Variants in PFN4 observed in about 807,000 individuals in gnomAD.
The protein encoded by PFN4 is profilin family member 4.
Under a neutral mutation model 16.3 loss-of-function variants are expected in PFN4, and 10 were observed. The ratio of observed to expected loss-of-function variants is 0.61; its 90% CI spans 0.38 to 1.04. The LOEUF (loss-of-function observed/expected upper bound fraction) is 1.04, where lower values mean the gene tolerates loss of function less well. PFN4 is among the 50% of genes least tolerant of loss of function. The probability of loss-of-function intolerance (pLI) is 0.01; values close to 1 mark genes in which losing one functional copy is unlikely to be tolerated. For missense variants in PFN4, 136 were observed against 153.6 expected (o/e 0.89, Z 0.61); for synonymous variants, 54 against 56.9 (o/e 0.95, Z 0.23).
At chr2:24,118,750 C>T (rs949432015) in intron 4 of PFN4, among the ~76,000 whole-genome samples, 1 of 152,112 alleles carries the variant, frequency 6.6e-6, no homozygotes, top group Non-Finnish European at 1.5e-5. Flanking sequence ...AAGGCAGAAG[C>T]TATATCTTAA....
At chr2:24,118,448 C>A (rs745675605) in intron 4 of PFN4, among the ~76,000 whole-genome samples, 5 of 152,198 alleles carry the variant, frequency 3.3e-5, no homozygotes, top group Non-Finnish European at 7.3e-5. Context: ...TTGATTTATT[C>A]ATCAAACATG....
At position 24,115,359 on chromosome 2, in the gene PFN4, T is replaced by A; in HGVS notation, c.*224A>T. The A allele has an allele frequency of 1.8e-6, 1 of 543,214 alleles. No individual in the cohort carries two copies. Among genetic ancestry groups the A allele is most frequent in the Non-Finnish European group, 3.3e-6 (1 of 302,878 alleles). The allele number at this position is 543,214 out of a possible 1,614,324, so 33.6% of individuals were successfully genotyped here. On this transcript the variant is annotated 3_prime_UTR_variant, in exon 5 of 5. Transcript: ENST00000313213. Reference sequence around the variant, plus strand: ...ATATGCTCTGTGAAATGATCAGTGCTCTCTCATTCCATGCCGATGACCAAC... The same window carrying A: ...ATATGCTCTGTGAAATGATCAGTGCACTCTCATTCCATGCCGATGACCAAC...
At chr2:24,120,235 C>T (rs1666061885) in intron 3 of PFN4, among the ~76,000 whole-genome samples, 1 of 151,774 alleles carries the variant, frequency 6.6e-6, no homozygotes, top group Non-Finnish European at 1.5e-5. Flanking sequence ...TGCCATTGCA[C>T]TCCAGCCTGG....
chr2:24,119,722 T>A, intron 3 of PFN4, 40 bp from the exon 4 acceptor site: 1 of 1,489,454 alleles, frequency 6.7e-7, no homozygotes, highest in Non-Finnish European at 9.3e-7. Flanking sequence ...CTCTTGGTTC[T>A]AATCACAGGA....
intron 4 of PFN4, among the ~76,000 whole-genome samples, chr2:24,116,398 C>G (rs1213983755): frequency 6.6e-6 from 1 of 152,136 alleles, no homozygotes; most frequent in African/African-American, 2.4e-5. Flanking sequence ...CACTATGTTG[C>G]CCACACTGGG....
chr2:24,115,294 T>G lies in PFN4; in HGVS notation c.*289A>C. 1 of 387,480 alleles carries G rather than the reference T, an allele frequency of 2.6e-6. No individual in the cohort carries two copies. The highest frequency in any genetic ancestry group is 3.8e-5 in the Admixed American group (1 of 26,390). The allele number at this position is 387,480 out of a possible 1,614,324, so 24.0% of individuals were successfully genotyped here. On this transcript the variant is annotated 3_prime_UTR_variant, in exon 5 of 5. Coordinates refer to ENST00000313213, the MANE Select transcript of PFN4 (RefSeq NM_199346.3). ...TTCTTGGCATACTTAGCAAGGTGTG[T>G]AGGAGTACAAGAGCCTCACAGAAAG...
chr2:24,119,683 C>T lies in PFN4; in HGVS notation c.256-1G>A. 6.2e-7 allele frequency: 1 copy of T among 1,604,218 alleles called. No individual in the cohort carries two copies. Among genetic ancestry groups the T allele is most frequent in the African/African-American group, 1.3e-5 (1 of 74,862 alleles). On this transcript the variant is annotated splice_acceptor_variant, in intron 3 of 4. Coordinates refer to ENST00000313213, the MANE Select transcript of PFN4 (RefSeq NM_199346.3). LOFTEE classifies it high-confidence loss of function. Reference sequence around the variant, plus strand: ...TCACGACAACCACACCAGTGTTCTCCTGTATAAAGAATATAAGAGAATATT... The same window carrying T: ...TCACGACAACCACACCAGTGTTCTCTTGTATAAAGAATATAAGAGAATATT...
chr2:24,121,050 C>T (rs1666099139), intron 3 of PFN4, 113 bp downstream of exon 3: 1 of 1,398,700 alleles, frequency 7.1e-7, no homozygotes, highest in Non-Finnish European at 9.7e-7. Flanking sequence ...AAGACAATGG[C>T]TCAAGACATT....
At chr2:24,122,354 C>T in intron 2 of PFN4, 65 bp downstream of exon 2, 1 of 1,191,712 alleles carries the variant, frequency 8.4e-7, no homozygotes, top group Admixed American at 2.1e-5. Flanking sequence ...ATGTCTGCTT[C>T]ATTTTTTGGA....
intron 3 of PFN4, among the ~76,000 whole-genome samples, chr2:24,120,558 T>TAA (rs72197172): frequency 9.2e-5 from 14 of 152,230 alleles, no homozygotes; most frequent in African/African-American, 3.4e-4. Flanking sequence ...TGATTTTTTT[T>TAA]AAAATTTTTT....
At position 24,115,419 on chromosome 2, in the gene PFN4, T is replaced by A; in HGVS notation, c.*164A>T. On this transcript the variant is annotated 3_prime_UTR_variant, in exon 5 of 5. Coordinates refer to ENST00000313213, the MANE Select transcript of PFN4 (RefSeq NM_199346.3). Reference sequence around the variant, plus strand: ...AAAACAGTTGATCAAGTAATTCCAGTGAAAGAAGAGGATCTCTGGAAGTAA... The same window carrying A: ...AAAACAGTTGATCAAGTAATTCCAGAGAAAGAAGAGGATCTCTGGAAGTAA... 1 of 619,012 alleles carries A rather than the reference T, an allele frequency of 1.6e-6. No individual in the cohort carries two copies. Among genetic ancestry groups the A allele is most frequent in the East Asian group, 2.8e-5 (1 of 36,104 alleles). The allele number at this position is 619,012 out of a possible 1,614,324, so 38.3% of individuals were successfully genotyped here.
chr2:24,117,828 G>A (rs976161694), intron 4 of PFN4, among the ~76,000 whole-genome samples: 1 of 152,168 alleles, frequency 6.6e-6, no homozygotes, highest in Admixed American at 6.5e-5. Context: ...AAGGAGTAAA[G>A]GAAACAAAAG....
chr2:24,120,277 AAACAAC>A (rs1553329186), intron 3 of PFN4, among the ~76,000 whole-genome samples: 2 of 151,382 alleles, frequency 1.3e-5, no homozygotes, highest in African/African-American at 4.9e-5. Flanking sequence ...TCAAAAAAAA[AAACAAC>A]AACAAAACAA....
chr2:24,122,259 G>A (rs1666141400), intron 2 of PFN4, among the ~76,000 whole-genome samples, 160 bp downstream of exon 2: 1 of 151,334 alleles, frequency 6.6e-6, no homozygotes, highest in Non-Finnish European at 1.5e-5. Context: ...TTGAGAGGCG[G>A]AGGTTGCAGT....
Position 24,119,661 on chromosome 2 carries a change from C to T in PFN4, c.277G>A (p.Val93Met), listed in dbSNP as rs768501986. ...AKNENTGVVV[V>M]KTHLYLLVAT... is the part of the protein sequence containing the mutation. ...ACCAGAAGATACAGATGGGTCTTCA[C>T]GACAACCACACCAGTGTTCTCCTGT... The change falls in exon 4 of 5, where the codon GTG (valine) becomes ATG (methionine). Residue 93 changes from valine (V) to methionine (M), a missense_variant. Transcript: ENST00000313213. 2.2e-5 allele frequency: 36 copies of T among 1,612,486 alleles called. No individual in the cohort carries two copies. The highest frequency in any genetic ancestry group is 1.6e-4 in the Middle Eastern group (1 of 6,080).
chr2:24,122,287 T>C (rs1420909357), intron 2 of PFN4, 132 bp downstream of exon 2: 6 of 689,028 alleles, frequency 8.7e-6, no homozygotes, highest in East Asian at 2.6e-5. Flanking sequence ...GATCATGCCA[T>C]TGCATCCCAG....
At position 24,122,472 on chromosome 2, in the gene PFN4, C is replaced by A. The variant is rs766929751; in HGVS notation, c.64G>T (p.Ala22Ser). Residue 22 changes from alanine (A) to serine (S), a missense_variant, in exon 2 of 5, where the codon GCC (alanine) becomes TCC (serine). Coordinates refer to ENST00000313213, the MANE Select transcript of PFN4 (RefSeq NM_199346.3). ...LLGTKHVDSA[A>S]LIKIQERSLC... ...CTCCGCTCCTGGATTTTGATGAGGGCTGCACTGTCCACATGCTTGGTTCCC... is the reference window on the plus strand; with the variant it reads ...CTCCGCTCCTGGATTTTGATGAGGGATGCACTGTCCACATGCTTGGTTCCC... 2 of 1,614,032 alleles carry A rather than the reference C, an allele frequency of 1.2e-6. No individual in the cohort carries two copies. Among genetic ancestry groups the A allele is most frequent in the Non-Finnish European group, 1.7e-6 (2 of 1,180,014 alleles).
chr2:24,119,731 G>A (rs1284413283), intron 3 of PFN4, 49 bp from the exon 4 acceptor site: 1 of 1,398,676 alleles, frequency 7.1e-7, no homozygotes, highest in Non-Finnish European at 1.0e-6. Flanking sequence ...CTAATCACAG[G>A]ACCAGTGGTC....
intron 3 of PFN4, among the ~76,000 whole-genome samples, chr2:24,120,769 G>A (rs1168850791): frequency 6.6e-6 from 1 of 151,962 alleles, no homozygotes; most frequent in African/African-American, 2.4e-5. Flanking sequence ...TAGCTAGGCT[G>A]GTCTTGAACT....
Sources: gnomAD v4.1 joint callset for allele counts (sites outside exome capture counted in the v4.1 genomes callset) on GRCh38, gnomAD v4.1.1 for gene constraint, MANE v1.5 for transcripts, NCBI Gene and HGNC (gene_info 2026-07-23, HGNC 2026-07-21) for gene names.